The following XYLT1 variants were observed in gnomAD, a reference collection of about 807,000 sequenced individuals.
XYLT1 encodes beta-D-xylosyltransferase 1.
A neutral mutation model predicts 91.3 loss-of-function variants in XYLT1; 36 were observed. The observed-to-expected ratio is 0.39, with a 90% CI of 0.30 to 0.52. The LOEUF is 0.52. Among genes scored for constraint, XYLT1 ranks in the 20% least tolerant of loss-of-function variants. XYLT1 has a pLI of 0.68. For synonymous variants in XYLT1, 588 were observed against 532.0 expected (o/e 1.11, Z -1.45); for missense variants, 1,242 against 1,284.5 (o/e 0.97, Z 0.51).
At chr16:17,245,320 G>A (rs2033419542) in intron 3 of XYLT1, among the ~76,000 whole-genome samples, 2 of 152,078 alleles carry the variant, frequency 1.3e-5, no homozygotes, top group African/African-American at 2.4e-5. Context: ...AATATCACCG[G>A]GGACTGGCTC....
At chr16:17,292,081 T>TACACACACACACACACACACAC (rs10568382) in intron 2 of XYLT1, among the ~76,000 whole-genome samples, 22 of 149,084 alleles carry the variant, frequency 1.5e-4, no homozygotes, top group African/African-American at 5.4e-4. Flanking sequence ...CACTAAACCA[T>TACACACACACACACACACACAC]ACACACACAC....
intron 3 of XYLT1, among the ~76,000 whole-genome samples, chr16:17,252,891 T>G (rs1236558598): frequency 6.6e-6 from 1 of 152,226 alleles, no homozygotes; most frequent in Non-Finnish European, 1.5e-5. Flanking sequence ...TTAGGTGATG[T>G]TGCGTAAAGC....
At chr16:17,345,482 C>T (rs759677953) in intron 2 of XYLT1, among the ~76,000 whole-genome samples, 1 of 152,206 alleles carries the variant, frequency 6.6e-6, no homozygotes, top group African/African-American at 2.4e-5. Flanking sequence ...AGCCTCTGCT[C>T]CCCAAGCCTG....
chr16:17,246,691 C>G (rs1204763873), intron 3 of XYLT1, among the ~76,000 whole-genome samples: 1 of 152,222 alleles, frequency 6.6e-6, no homozygotes, highest in East Asian at 1.9e-4. Context: ...CTCGCCTCCA[C>G]ACCTGGCATT....
intron 10 of XYLT1, among the ~76,000 whole-genome samples, chr16:17,118,549 A>G (rs2029936820): frequency 6.6e-6 from 1 of 152,066 alleles, no homozygotes; most frequent in South Asian, 2.1e-4. Flanking sequence ...TGGCTTTCCC[A>G]AGGCACCTAG....
chr16:17,395,737 G>C (rs1452563608), intron 1 of XYLT1, among the ~76,000 whole-genome samples: 1 of 152,138 alleles, frequency 6.6e-6, no homozygotes, highest in African/African-American at 2.4e-5. Flanking sequence ...ATTCTCATCG[G>C]GGACTCCTTT....
intron 3 of XYLT1, among the ~76,000 whole-genome samples, chr16:17,253,901 A>G (rs2033588772): frequency 6.7e-6 from 1 of 150,362 alleles, no homozygotes; most frequent in Non-Finnish European, 1.5e-5. Flanking sequence ...GGGCTTGACA[A>G]TGTGAGATAA....
chr16:17,398,114 G>A lies in XYLT1; in HGVS notation c.364-40064C>T, dbSNP rs569209551. Among the ~76,000 whole-genome samples, 6 of 152,094 alleles carry A rather than the reference G, an allele frequency of 3.9e-5. No individual in the cohort carries two copies. In the South Asian group the frequency reaches 1.0e-3, roughly 26 times the overall value. ...TGGAAAATGCAGACCTTGGATCCAC[G>A]GAGGCCACGTAAATATTGAGTGGCA... On this transcript the variant is annotated intron_variant, in intron 1 of 11. Coordinates refer to ENST00000261381, the MANE Select transcript of XYLT1 (RefSeq NM_022166.4).
At chr16:17,454,878 C>T (rs1036971939) in intron 1 of XYLT1, among the ~76,000 whole-genome samples, 6 of 141,738 alleles carry the variant, frequency 4.2e-5, no homozygotes, top group East Asian at 2.0e-4. Context: ...ATAATTTTCA[C>T]GCGTCACAAA....
At chr16:17,360,770 C>A (rs774481708) in intron 1 of XYLT1, among the ~76,000 whole-genome samples, 11 of 152,178 alleles carry the variant, frequency 7.2e-5, no homozygotes, top group Non-Finnish European at 1.5e-4. Context: ...CCTAATCCAT[C>A]CTATCTGTCT....
chr16:17,232,993 A>G lies in XYLT1; in HGVS notation c.913+25995T>C, dbSNP rs147273823. ...CATATTTTTTTAATGCCTCCACCAT[A>G]TCACTCTCTGACATACACTATCAGG... On this transcript the variant is annotated intron_variant, in intron 3 of 11. Transcript: ENST00000261381. Among the ~76,000 whole-genome samples the G allele has an allele frequency of 8.1e-3, 1,238 of 152,026 alleles. 12 individuals carry two copies. The highest frequency in any genetic ancestry group is 0.028 in the African/African-American group (1,176 of 41,478).
At chr16:17,305,029 C>T (rs1209309624) in intron 2 of XYLT1, among the ~76,000 whole-genome samples, 7 of 152,100 alleles carry the variant, frequency 4.6e-5, no homozygotes, top group Admixed American at 1.3e-4. Flanking sequence ...CACTCAGTGC[C>T]GCAGGGTGCC....
At chr16:17,397,130 T>G (rs1171634325) in intron 1 of XYLT1, among the ~76,000 whole-genome samples, 1 of 152,156 alleles carries the variant, frequency 6.6e-6, no homozygotes, top group East Asian at 1.9e-4. Flanking sequence ...TCCAATTCAA[T>G]TCAGGAGGGA....
At chr16:17,110,631 A>G (rs760129762) in intron 11 of XYLT1, among the ~76,000 whole-genome samples, 3 of 152,210 alleles carry the variant, frequency 2.0e-5, no homozygotes, top group Non-Finnish European at 2.9e-5. Context: ...ACAGACAAAT[A>G]CAGCTAGGAT....
At chr16:17,148,865 G>A (rs1043602916) in intron 6 of XYLT1, among the ~76,000 whole-genome samples, 3 of 152,224 alleles carry the variant, frequency 2.0e-5, no homozygotes, top group Non-Finnish European at 4.4e-5. Flanking sequence ...GCTTATTGTT[G>A]GCTTTGGAAG....
chr16:17,178,421 C>G (rs2031991117), intron 5 of XYLT1, among the ~76,000 whole-genome samples: 1 of 152,108 alleles, frequency 6.6e-6, no homozygotes, highest in Non-Finnish European at 1.5e-5. Flanking sequence ...GTCTGAAGCA[C>G]TTGAGGTGAT....
chr16:17,366,854 A>G (rs563234275), intron 1 of XYLT1, among the ~76,000 whole-genome samples: 203 of 152,274 alleles, frequency 1.3e-3, no homozygotes, highest in African/African-American at 4.6e-3. Context: ...GAAACAGGGC[A>G]TCCTTTTGGA....
At chr16:17,378,985 C>A (rs1045545190) in intron 1 of XYLT1, among the ~76,000 whole-genome samples, 1 of 152,228 alleles carries the variant, frequency 6.6e-6, no homozygotes, top group Non-Finnish European at 1.5e-5. Flanking sequence ...TTTATCACAA[C>A]CACTTTGCAA....
chr16:17,238,441 C>G (rs1162241787), intron 3 of XYLT1, among the ~76,000 whole-genome samples: 1 of 152,208 alleles, frequency 6.6e-6, no homozygotes, highest in Non-Finnish European at 1.5e-5. Flanking sequence ...TCTGTTGCAA[C>G]CACTCAGCTC....
Sources: gnomAD v4.1 joint callset for allele counts (sites outside exome capture counted in the v4.1 genomes callset) on GRCh38, gnomAD v4.1.1 for gene constraint, MANE v1.5 for transcripts, NCBI Gene and HGNC (gene_info 2026-07-23, HGNC 2026-07-21) for gene names.